The following USP31 variants were observed in gnomAD, a reference collection of about 807,000 sequenced individuals.
The protein encoded by USP31 is ubiquitin specific peptidase 31.
A neutral mutation model predicts 119.4 loss-of-function variants in USP31; 44 were observed. That is an observed-to-expected ratio of 0.37 (90% confidence interval 0.29 to 0.47). The LOEUF (loss-of-function observed/expected upper bound fraction) is 0.47. Ranked by LOEUF, USP31 falls within the 20% of genes least tolerant of loss-of-function variation. The pLI, the probability that USP31 is intolerant of heterozygous loss-of-function variation, is 0.99. For synonymous variants in USP31, 749 were observed against 705.6 expected, an observed-to-expected ratio of 1.06 and a Z score of -0.97; for missense variants, 1,643 against 1,730.2, an observed-to-expected ratio of 0.95 and a Z score of 0.89.
rs533755341 is a variant in USP31, at chr16:23,081,992, C to G, written c.1950+446G>C. ...GACAATCCTAACCTCAGGGAATAGA[C>G]AGCCTTTTTGGAAAAACTGACTCAC... On this transcript the variant is annotated intron_variant, in intron 12 of 15. Coordinates refer to ENST00000219689, the MANE Select transcript of USP31 (RefSeq NM_020718.4). Among the ~76,000 whole-genome samples, 3 of 152,328 alleles carry G rather than the reference C, an allele frequency of 2.0e-5. No individual in the cohort carries two copies. The South Asian group carries it at 6.2e-4, about 32-fold the overall frequency.
chr16:23,115,847 A>G (rs1902469720), intron 1 of USP31: 1 of 939,878 alleles, frequency 1.1e-6, no homozygotes, highest in African/African-American at 1.8e-5. Flanking sequence ...AAAAAAAAAA[A>G]GAGTTGGAAA....
intron 1 of USP31, among the ~76,000 whole-genome samples, chr16:23,111,721 G>C (rs1318426943): frequency 3.9e-5 from 6 of 152,030 alleles, no homozygotes; most frequent in Non-Finnish European, 8.8e-5. Context: ...TAGGTGGGAG[G>C]CTCAAAGAAG....
Position 23,061,714 on chromosome 16 carries a change from C to G in USP31, c.*6332G>C, listed in dbSNP as rs1899838440. ...ATTACTGTACAACTGAAAATGAAAA[C>G]GACACAGAAATCACTATCCACGGTG... On this transcript the variant is annotated 3_prime_UTR_variant, in exon 16 of 16. Transcript: ENST00000219689. The G allele has an allele frequency of 6.6e-6, 1 of 152,434 alleles. No homozygotes were observed. The highest frequency in any genetic ancestry group is 1.5e-5 in the Non-Finnish European group (1 of 68,028). 9.4% of individuals were successfully genotyped at this position (152,434 alleles called of 1,614,324 possible).
chr16:23,090,279 G>T (rs910317261), intron 7 of USP31, among the ~76,000 whole-genome samples: 1 of 152,102 alleles, frequency 6.6e-6, no homozygotes, highest in African/African-American at 2.4e-5. Context: ...CCAGCTACTC[G>T]GAAGGCTGAG....
chr16:23,105,203 A>T (rs1249160283), intron 5 of USP31, among the ~76,000 whole-genome samples: 1 of 152,246 alleles, frequency 6.6e-6, no homozygotes, highest in Non-Finnish European at 1.5e-5. Flanking sequence ...AGCTACAAGA[A>T]GGTCTTGGTG....
At chr16:23,097,431 T>C (rs2141861565) in intron 6 of USP31, among the ~76,000 whole-genome samples, 1 of 152,298 alleles carries the variant, frequency 6.6e-6, no homozygotes, top group Non-Finnish European at 1.5e-5. Flanking sequence ...TCTGAAACTA[T>C]TCCAATCAAC....
At chr16:23,131,661 G>A (rs771649247) in intron 1 of USP31, among the ~76,000 whole-genome samples, 17 of 152,160 alleles carry the variant, frequency 1.1e-4, no homozygotes, top group Non-Finnish European at 2.2e-4. Flanking sequence ...GAACTCTAAT[G>A]AACCATAAAA....
chr16:23,093,910 C>G (rs953596131), intron 6 of USP31, among the ~76,000 whole-genome samples: 1 of 152,224 alleles, frequency 6.6e-6, no homozygotes, highest in African/African-American at 2.4e-5. Flanking sequence ...CAGCTCTGGT[C>G]TGCAGCTCCC....
intron 13 of USP31, among the ~76,000 whole-genome samples, chr16:23,075,706 C>G (rs1900540036): frequency 6.6e-6 from 1 of 152,174 alleles, no homozygotes; most frequent in African/African-American, 2.4e-5. Flanking sequence ...GTGTGAGAGG[C>G]ACTGTTCTAG....
At chr16:23,106,360 G>A (rs1483839521) in intron 3 of USP31, 39 bp downstream of exon 3, 2 of 1,613,080 alleles carry the variant, frequency 1.2e-6, no homozygotes, top group Admixed American at 1.7e-5. Flanking sequence ...AACGATGTCA[G>A]GTAAACAAAA....
At chr16:23,125,889 A>G (rs955163581) in intron 1 of USP31, among the ~76,000 whole-genome samples, 2 of 152,214 alleles carry the variant, frequency 1.3e-5, no homozygotes, top group African/African-American at 4.8e-5. Flanking sequence ...TTCCTTCTCT[A>G]GAGTTTGGAA....
chr16:23,148,511 C>G, intron 1 of USP31, 127 bp downstream of exon 1: 1 of 1,295,232 alleles, frequency 7.7e-7, no homozygotes. Context: ...GTCGACTGCC[C>G]AGACCACTCG....
At chr16:23,108,481 A>G (rs1013245528) in intron 1 of USP31, among the ~76,000 whole-genome samples, 3 of 152,242 alleles carry the variant, frequency 2.0e-5, no homozygotes, top group Admixed American at 2.0e-4. Flanking sequence ...ATAAAAGCAA[A>G]TAATTGGTAA....
In USP31 at chr16:23,063,636, A is replaced by G. The variant is rs1899941098; in HGVS notation, c.*4410T>C. 6.6e-6 allele frequency: 1 copy of G among 152,510 alleles called. No individual in the cohort carries two copies. Among genetic ancestry groups the G allele is most frequent in the Non-Finnish European group, 1.5e-5 (1 of 68,020 alleles). The allele number at this position is 152,510 out of a possible 1,614,324, so 9.4% of individuals were successfully genotyped here. On this transcript the variant is annotated 3_prime_UTR_variant, in exon 16 of 16. Transcript: ENST00000219689. The stretch of plus-strand genomic sequence containing the variant: ...AAAAACAGCAGAGAAATATATGCAG[A>G]GCAAAACAAGAAATCGCATTCATGC...
intron 1 of USP31, among the ~76,000 whole-genome samples, chr16:23,119,304 G>A (rs975938394): frequency 6.6e-6 from 1 of 151,740 alleles, no homozygotes; most frequent in Non-Finnish European, 1.5e-5. Flanking sequence ...CACCATGTTG[G>A]CCAGGCTGGT....
At chr16:23,093,415 A>G (rs1007927896) in intron 6 of USP31, among the ~76,000 whole-genome samples, 2 of 152,242 alleles carry the variant, frequency 1.3e-5, no homozygotes, top group Non-Finnish European at 2.9e-5. Context: ...AAATGGCCAA[A>G]CAAGCACATG....
chr16:23,139,613 T>C (rs920397799), intron 1 of USP31, among the ~76,000 whole-genome samples: 3 of 152,126 alleles, frequency 2.0e-5, no homozygotes, highest in African/African-American at 7.2e-5. Flanking sequence ...AAAGGCTTAG[T>C]CATGGGCCTC....
intron 1 of USP31, among the ~76,000 whole-genome samples, chr16:23,144,123 C>A (rs1903437940): frequency 6.6e-6 from 1 of 152,120 alleles, no homozygotes; most frequent in Non-Finnish European, 1.5e-5. Flanking sequence ...TTGGCAAGCT[C>A]CTAAAACTCA....
Position 23,073,775 on chromosome 16 carries a change from A to G in USP31, c.2282T>C (p.Phe761Ser). ...EVCTQTAYIL[F>S]YQRRTAIPSW... is the part of the protein sequence containing the mutation. ...CGGGATGGCTGTCCGCCTCTGGTAG[A>G]AGAGGATGTATGCTGTCTGCGTGCA... The change falls in exon 14 of 16, where the codon TTC becomes TCC. Residue 761 changes from phenylalanine to serine, a missense_variant. This residue lies in a region of USP31 where 279 missense variants were observed against 372.2 expected (regional missense o/e 0.75). Coordinates refer to ENST00000219689, the MANE Select transcript of USP31 (RefSeq NM_020718.4). 1 of 1,613,896 alleles carries G rather than the reference A, an allele frequency of 6.2e-7. No individual in the cohort carries two copies. The highest frequency in any genetic ancestry group is 8.5e-7 in the Non-Finnish European group (1 of 1,180,012).
Sources: allele counts gnomAD v4.1 joint callset (sites outside exome capture counted in the v4.1 genomes callset), GRCh38; gene constraint gnomAD v4.1.1; regional missense constraint gnomAD v4.1.1; transcripts MANE v1.5; gene names NCBI Gene and HGNC (gene_info 2026-07-23, HGNC 2026-07-21).